ADK: variants seen among roughly 807,000 people sequenced by gnomAD.
ADK encodes N6,N6-dimethyladenosine kinase.
Under a neutral mutation model 44.7 loss-of-function variants are expected in ADK, and 24 were observed. The ratio of observed to expected loss-of-function variants is 0.54; its 90% CI spans 0.39 to 0.76. The LOEUF is 0.76. ADK is among the 30% of genes least tolerant of loss of function. The pLI, the probability that ADK is intolerant of heterozygous loss-of-function variation, is 0.00. For missense variants in ADK, 321 were observed against 425.1 expected (o/e 0.76, Z 2.15); for synonymous variants, 128 against 142.6 (o/e 0.90, Z 0.73).
intron 6 of ADK, among the ~76,000 whole-genome samples, chr10:74,457,826 A>G (rs1564733005): frequency 6.6e-6 from 1 of 152,268 alleles, no homozygotes; most frequent in Admixed American, 6.5e-5. Flanking sequence ...ATGAGAACAC[A>G]TGAACACAGG....
intron 9 of ADK, among the ~76,000 whole-genome samples, chr10:74,620,497 C>A (rs1336788658): frequency 2.0e-5 from 3 of 152,140 alleles, no homozygotes; most frequent in African/African-American, 4.8e-5. Context: ...ATATACCACA[C>A]TTTCTTTATC....
chr10:74,199,282 A>G (rs527915494), intron 1 of ADK, among the ~76,000 whole-genome samples: 16 of 152,274 alleles, frequency 1.1e-4, no homozygotes, highest in Admixed American at 7.8e-4. Context: ...AATGATCCCC[A>G]TCGTCTAAGT....
At chr10:74,571,059 T>A (rs1850936451) in intron 7 of ADK, among the ~76,000 whole-genome samples, 1 of 152,252 alleles carries the variant, frequency 6.6e-6, no homozygotes, top group Non-Finnish European at 1.5e-5. Context: ...GTGGTTTTTG[T>A]CTTTGGTTCT....
At chr10:74,708,170 A>AT in intron 10 of ADK, 151 bp from the exon 11 acceptor site, 50 of 743,340 alleles carry the variant, frequency 6.7e-5, no homozygotes, top group Non-Finnish European at 1.0e-4. Flanking sequence ...AAAAAAAAAA[A>AT]GACCTCCCTA....
intron 1 of ADK, among the ~76,000 whole-genome samples, chr10:74,191,421 A>G (rs1842947793): frequency 6.6e-6 from 1 of 151,746 alleles, no homozygotes; most frequent in Admixed American, 6.6e-5. Context: ...ATATAAAGAC[A>G]GGGTCTCACT....
chr10:74,634,278 G>A (rs888559622), intron 9 of ADK, among the ~76,000 whole-genome samples: 12 of 151,930 alleles, frequency 7.9e-5, no homozygotes, highest in East Asian at 5.8e-4. Context: ...GCAGTGGCGC[G>A]ATCTCGGCTC....
At chr10:74,207,141 G>A (rs1440565401) in intron 2 of ADK, among the ~76,000 whole-genome samples, 1 of 152,336 alleles carries the variant, frequency 6.6e-6, no homozygotes, top group Middle Eastern at 3.4e-3. Flanking sequence ...CTTCATGCAA[G>A]CTTGCGGCTG....
At chr10:74,372,199 A>T in intron 4 of ADK, 1 of 759,098 alleles carries the variant, frequency 1.3e-6, no homozygotes, top group Non-Finnish European at 2.4e-6. Flanking sequence ...GCTGTGACCA[A>T]GGAGGAATTT....
chr10:74,323,062 C>A (rs140971371), intron 4 of ADK, among the ~76,000 whole-genome samples: 1 of 152,122 alleles, frequency 6.6e-6, no homozygotes, highest in African/African-American at 2.4e-5. Flanking sequence ...TGACATTAAA[C>A]ATGGGTACAA....
At chr10:74,552,051 A>G (rs1222354051) in intron 7 of ADK, among the ~76,000 whole-genome samples, 1 of 151,632 alleles carries the variant, frequency 6.6e-6, no homozygotes, top group Non-Finnish European at 1.5e-5. Context: ...GATTTTTTTC[A>G]TATTTTCAGT....
rs369583613 is a variant in ADK, at chr10:74,255,491, A to G, written c.194+30900A>G. 6.6e-5 allele frequency among the ~76,000 whole-genome samples: 10 copies of G among 152,336 alleles called. No homozygotes were observed. The East Asian group carries it at 1.7e-3, about 26-fold the overall frequency. On this transcript the variant is annotated intron_variant, in intron 3 of 10. Transcript: ENST00000539909. ...GTTCTGCTTTTACCTTTGAGCCACA[A>G]GGAGTCTATCTTGTCAATTAACTGG...
chr10:74,354,099 T>A, intron 4 of ADK, among the ~76,000 whole-genome samples: 1 of 152,212 alleles, frequency 6.6e-6, no homozygotes, highest in Non-Finnish European at 1.5e-5. Flanking sequence ...CACAAGCAAC[T>A]AAATCACTGA....
chr10:74,690,770 CCTA>C (rs1338059761), intron 10 of ADK, among the ~76,000 whole-genome samples: 1 of 152,198 alleles, frequency 6.6e-6, no homozygotes, highest in Non-Finnish European at 1.5e-5. Flanking sequence ...GGCTTTCTCT[CCTA>C]AAGCTATAAA....
chr10:74,547,133 T>G (rs567026857), intron 7 of ADK, among the ~76,000 whole-genome samples: 1 of 152,272 alleles, frequency 6.6e-6, no homozygotes, highest in South Asian at 2.1e-4. Flanking sequence ...TCTCTCCTAC[T>G]ACACTTTTGA....
chr10:74,171,808 CTCTGTG>C (rs756266202), intron 1 of ADK, among the ~76,000 whole-genome samples: 22 of 142,612 alleles, frequency 1.5e-4, no homozygotes, highest in East Asian at 4.0e-4. Context: ...CTCTCTGTCT[CTCTGTG>C]TGTGTGTGTG....
chr10:74,236,542 T>G (rs1844964172), intron 3 of ADK, among the ~76,000 whole-genome samples: 1 of 152,230 alleles, frequency 6.6e-6, no homozygotes, highest in South Asian at 2.1e-4. Flanking sequence ...TTTGTTGGCC[T>G]TGACTAAATT....
At chr10:74,215,830 T>G (rs1591868707) in intron 2 of ADK, among the ~76,000 whole-genome samples, 1 of 11,868 alleles carries the variant, frequency 8.4e-5, no homozygotes, top group South Asian at 9.6e-4. Flanking sequence ...TTTTTTTGTA[T>G]TTTTTTTAGT....
chr10:74,484,980 G>A (rs763636861), intron 6 of ADK, among the ~76,000 whole-genome samples: 7 of 151,994 alleles, frequency 4.6e-5, no homozygotes, highest in Non-Finnish European at 7.4e-5. Context: ...ATCTCGGGGT[G>A]TGGAAAAATT....
At chr10:74,355,545 T>G (rs1374994503) in intron 4 of ADK, among the ~76,000 whole-genome samples, 1 of 152,246 alleles carries the variant, frequency 6.6e-6, no homozygotes, top group Non-Finnish European at 1.5e-5. Context: ...GCTTAGTATC[T>G]GCTAGAAATG....
Sources: gnomAD v4.1 joint callset for allele counts (sites outside exome capture counted in the v4.1 genomes callset) on GRCh38, gnomAD v4.1.1 for gene constraint, MANE v1.5 for transcripts, NCBI Gene and HGNC (gene_info 2026-07-23, HGNC 2026-07-21) for gene names.